Variants in KCNIP4 observed in about 807,000 individuals in gnomAD.
KCNIP4 encodes the protein potassium voltage-gated channel interacting protein 4, also known as Kv channel-interacting protein 4.
KCNIP4 carries 12 observed loss-of-function variants against 34.0 expected under a neutral mutation model. The ratio of observed to expected loss-of-function variants is 0.35; its 90% CI spans 0.23 to 0.57. The LOEUF (loss-of-function observed/expected upper bound fraction) is 0.57, where lower values mean the gene tolerates loss of function less well. Ranked by LOEUF, KCNIP4 falls within the 20% of genes least tolerant of loss-of-function variation. The pLI is 0.83. For missense variants in KCNIP4, 238 were observed against 311.7 expected, an observed-to-expected ratio of 0.76 and a Z score of 1.78; for synonymous variants, 124 against 102.2, an observed-to-expected ratio of 1.21 and a Z score of -1.29.
At chr4:21,707,709 A>G (rs1713393876) in intron 1 of KCNIP4, among the ~76,000 whole-genome samples, 1 of 151,992 alleles carries the variant, frequency 6.6e-6, no homozygotes, top group Admixed American at 6.6e-5. Context: ...TACACTGGAG[A>G]GTCCTGTCCA....
intron 1 of KCNIP4, among the ~76,000 whole-genome samples, chr4:21,461,965 T>A (rs1023602874): frequency 6.6e-6 from 1 of 152,068 alleles, no homozygotes; most frequent in African/African-American, 2.4e-5. Context: ...AATGTTTCAA[T>A]ATATGTATAT....
At position 20,828,774 on chromosome 4, in the gene KCNIP4, C is replaced by T. The variant is rs145657984; in HGVS notation, c.288+21769G>A. Among the ~76,000 whole-genome samples the T allele has an allele frequency of 6.6e-3, 1,010 of 152,288 alleles. 7 individuals carry two copies. The highest frequency in any genetic ancestry group is 0.032 in the East Asian group (168 of 5,180). The stretch of plus-strand genomic sequence containing the variant: ...TATATCCACACAGAAATGCACATCC[C>T]TACCTCCATACCTACACACATAAAA... On this transcript the variant is annotated intron_variant, in intron 3 of 8. Transcript: ENST00000382152.
At chr4:21,111,864 C>T in intron 1 of KCNIP4, among the ~76,000 whole-genome samples, 1 of 152,216 alleles carries the variant, frequency 6.6e-6, no homozygotes, top group East Asian at 1.9e-4. Context: ...CTGCCAGGTC[C>T]TGGCACTACA....
At chr4:21,266,881 A>G (rs1761845805) in intron 1 of KCNIP4, among the ~76,000 whole-genome samples, 1 of 152,196 alleles carries the variant, frequency 6.6e-6, no homozygotes. Context: ...CTGGAAAGCT[A>G]CTAGAAAGGT....
chr4:20,914,798 T>C (rs778280907), intron 1 of KCNIP4, among the ~76,000 whole-genome samples: 24 of 152,150 alleles, frequency 1.6e-4, no homozygotes, highest in Non-Finnish European at 2.4e-4. Context: ...GTTCAGATCT[T>C]ACCAACGATC....
chr4:21,541,028 AG>A (rs1737641352), intron 1 of KCNIP4, among the ~76,000 whole-genome samples: 1 of 151,810 alleles, frequency 6.6e-6, no homozygotes, highest in South Asian at 2.1e-4. Flanking sequence ...AAAATTTGCC[AG>A]GCATGGTGGC....
chr4:21,002,053 C>CA (rs1241660084), intron 1 of KCNIP4, among the ~76,000 whole-genome samples: 2 of 152,200 alleles, frequency 1.3e-5, no homozygotes, highest in African/African-American at 4.8e-5. Context: ...GCAGACTTAA[C>CA]AAGTCAACTT....
chr4:20,898,717 TA>T (rs1726828929), intron 1 of KCNIP4, among the ~76,000 whole-genome samples: 1 of 152,186 alleles, frequency 6.6e-6, no homozygotes, highest in Non-Finnish European at 1.5e-5. Context: ...CTGTAAACTG[TA>T]AGGATGTGGT....
intron 1 of KCNIP4, among the ~76,000 whole-genome samples, chr4:21,061,387 T>G (rs1332148929): frequency 1.3e-5 from 2 of 152,130 alleles, no homozygotes; most frequent in Non-Finnish European, 2.9e-5. Context: ...TATGCATGCA[T>G]AATTTTTCTT....
chr4:20,997,760 A>G (rs1560632923), intron 1 of KCNIP4, among the ~76,000 whole-genome samples: 2 of 152,294 alleles, frequency 1.3e-5, no homozygotes, highest in African/African-American at 2.4e-5. Context: ...CGTTGGATCA[A>G]TCTGTTATTG....
At chr4:21,519,650 G>A (rs567063363) in intron 1 of KCNIP4, among the ~76,000 whole-genome samples, 2 of 141,716 alleles carry the variant, frequency 1.4e-5, no homozygotes, top group East Asian at 4.3e-4. Flanking sequence ...GTGTGTGTAT[G>A]TATGTGTATA....
chr4:21,751,463 T>C (rs902732593), intron 1 of KCNIP4, among the ~76,000 whole-genome samples: 1 of 152,096 alleles, frequency 6.6e-6, no homozygotes, highest in Non-Finnish European at 1.5e-5. Flanking sequence ...AGAAAAGCAT[T>C]ATGTCTAATA....
At position 21,106,508 on chromosome 4, in the gene KCNIP4, C is replaced by A. The variant is rs139541357; in HGVS notation, c.62-223799G>T. 6.6e-3 allele frequency among the ~76,000 whole-genome samples: 1,001 copies of A among 151,542 alleles called. 5 individuals carry two copies. Among genetic ancestry groups the A allele is most frequent in the Middle Eastern group, 0.017 (5 of 294 alleles). ...TCTCTTTTATTCTTTATTAGTCTTGCTAGCAGTCTATCAATTTTGTTGATC... is the reference window on the plus strand; with the variant it reads ...TCTCTTTTATTCTTTATTAGTCTTGATAGCAGTCTATCAATTTTGTTGATC... On this transcript the variant is annotated intron_variant, in intron 1 of 8. Transcript: ENST00000382152.
At chr4:20,881,301 A>G (rs1724652991) in intron 2 of KCNIP4, among the ~76,000 whole-genome samples, 1 of 152,014 alleles carries the variant, frequency 6.6e-6, no homozygotes, top group Non-Finnish European at 1.5e-5. Context: ...TGTTGTGGAG[A>G]CCCATGACAT....
chr4:20,886,459 G>C (rs1326665620), intron 1 of KCNIP4, among the ~76,000 whole-genome samples: 2 of 152,212 alleles, frequency 1.3e-5, no homozygotes, highest in Non-Finnish European at 2.9e-5. Flanking sequence ...TGGGAAATTT[G>C]TGTGAAATTA....
At chr4:21,290,802 A>C (rs1204407426) in intron 1 of KCNIP4, among the ~76,000 whole-genome samples, 1 of 152,188 alleles carries the variant, frequency 6.6e-6, no homozygotes, top group Admixed American at 6.5e-5. Context: ...GAGCCTTTTC[A>C]AGGTCAGGAA....
Position 20,933,718 on chromosome 4 carries a change from T to C in KCNIP4, c.62-51009A>G, listed in dbSNP as rs184193219. Reference sequence around the variant, plus strand: ...TCATTTCCTTCTTTTGCCATAACTTTAGATACCACGTCTAGCTGAAAAAGA... The same window carrying C: ...TCATTTCCTTCTTTTGCCATAACTTCAGATACCACGTCTAGCTGAAAAAGA... On this transcript the variant is annotated intron_variant, in intron 1 of 8. Transcript: ENST00000382152. 1.5e-4 allele frequency among the ~76,000 whole-genome samples: 22 copies of C among 149,490 alleles called. No homozygotes were observed. The East Asian group carries it at 4.0e-3, about 27-fold the overall frequency.
At chr4:21,035,991 T>C (rs146021486) in intron 1 of KCNIP4, among the ~76,000 whole-genome samples, 10 of 152,320 alleles carry the variant, frequency 6.6e-5, no homozygotes, top group African/African-American at 1.9e-4. Context: ...CAGAGCATAA[T>C]TGGCACAAGA....
At chr4:21,606,021 G>T (rs1309067293) in intron 1 of KCNIP4, among the ~76,000 whole-genome samples, 1 of 152,098 alleles carries the variant, frequency 6.6e-6, no homozygotes, top group Non-Finnish European at 1.5e-5. Flanking sequence ...AAAATATGTA[G>T]AAAGAATGAG....
Sources: allele counts gnomAD v4.1 joint callset (sites outside exome capture counted in the v4.1 genomes callset), GRCh38; gene constraint gnomAD v4.1.1; transcripts MANE v1.5; gene names NCBI Gene and HGNC (gene_info 2026-07-23, HGNC 2026-07-21).